Variants in DLC1 observed in about 807,000 individuals in gnomAD.
DLC1 encodes DLC1 Rho GTPase activating protein, also known as rho GTPase-activating protein 7.
DLC1 carries 54 observed loss-of-function variants against 140.3 expected under a neutral mutation model. The ratio of observed to expected loss-of-function variants is 0.38; its 90% CI spans 0.31 to 0.48. DLC1 has a LOEUF of 0.48. Among genes scored for constraint, DLC1 ranks in the 20% least tolerant of loss-of-function variants. DLC1 has a pLI of 0.96. For missense variants in DLC1, 2,536 were observed against 1,907.0 expected (o/e 1.33, Z -6.14); for synonymous variants, 986 against 728.1 (o/e 1.35, Z -5.70).
At chr8:13,149,157 A>G (rs918514379) in intron 5 of DLC1, among the ~76,000 whole-genome samples, 17 of 152,118 alleles carry the variant, frequency 1.1e-4, no homozygotes, top group African/African-American at 4.1e-4. Flanking sequence ...AGAAGGCACA[A>G]TCTCAATTCT....
intron 3 of DLC1, among the ~76,000 whole-genome samples, chr8:13,395,068 C>T (rs1013719855): frequency 2.0e-5 from 3 of 146,482 alleles, no homozygotes; most frequent in African/African-American, 7.4e-5. Context: ...ACCTATCTAC[C>T]ATCTATAAAT....
chr8:13,264,338 G>T (rs576300272), intron 5 of DLC1, among the ~76,000 whole-genome samples: 1 of 152,244 alleles, frequency 6.6e-6, no homozygotes, highest in South Asian at 2.1e-4. Flanking sequence ...CTCCCACAGT[G>T]CTGGGATTAC....
At chr8:13,299,979 A>C (rs962230548) in intron 5 of DLC1, among the ~76,000 whole-genome samples, 4 of 152,184 alleles carry the variant, frequency 2.6e-5, no homozygotes, top group Admixed American at 6.5e-5. Flanking sequence ...AGATACATGC[A>C]CACATATGTT....
rs60625191 is a variant in DLC1, at chr8:13,479,802, A to AAAGAAGAAGAAGAAGAAG, written c.1023+19229_1023+19246dup. On this transcript the variant is annotated intron_variant, in intron 2 of 17. Coordinates refer to ENST00000276297, the MANE Select transcript of DLC1 (RefSeq NM_182643.3). ...AAAAGAAAAGGAAAAGAAAGAAAGA[A>AAAGAAGAAGAAGAAGAAG]AAGAAGAAGAAGAAGAAGAAGAAGA... Among the ~76,000 whole-genome samples the AAAGAAGAAGAAGAAGAAG allele has an allele frequency of 7.1e-3, 404 of 56,952 alleles. 6 individuals carry two copies. The highest frequency in any genetic ancestry group is 0.021 in the East Asian group (75 of 3,518). 37.4% of individuals were successfully genotyped at this position (56,952 alleles called of 152,430 possible). A position where few individuals can be genotyped will look rare whatever the true frequency, so the allele number is the denominator to read the frequency against.
chr8:13,301,879 G>A (rs929703057), intron 5 of DLC1, among the ~76,000 whole-genome samples: 1 of 152,154 alleles, frequency 6.6e-6, no homozygotes, highest in African/African-American at 2.4e-5. Flanking sequence ...TCTGAGGTCT[G>A]AGGTGGAACA....
chr8:13,435,263 TG>T (rs911595961), intron 2 of DLC1, among the ~76,000 whole-genome samples: 2 of 152,174 alleles, frequency 1.3e-5, no homozygotes, highest in African/African-American at 4.8e-5. Context: ...CTTAAAGATG[TG>T]GCTGAATGGC....
chr8:13,209,859 C>T (rs575028057), intron 5 of DLC1, among the ~76,000 whole-genome samples: 1 of 152,098 alleles, frequency 6.6e-6, no homozygotes, highest in East Asian at 1.9e-4. Context: ...GTACAGCCTG[C>T]AGAACCAGGA....
intron 4 of DLC1, among the ~76,000 whole-genome samples, chr8:13,309,953 T>G (rs1391219891): frequency 2.0e-5 from 3 of 152,220 alleles, no homozygotes; most frequent in Non-Finnish European, 2.9e-5. Flanking sequence ...AGAAATGAAA[T>G]GAAATATTTC....
At chr8:13,258,464 A>G (rs1586020227) in intron 5 of DLC1, among the ~76,000 whole-genome samples, 1 of 152,372 alleles carries the variant, frequency 6.6e-6, no homozygotes, top group East Asian at 1.9e-4. Flanking sequence ...TACTTATAAT[A>G]TCTGCTTCCT....
chr8:13,251,175 T>C (rs1338943025), intron 5 of DLC1, among the ~76,000 whole-genome samples: 1 of 152,184 alleles, frequency 6.6e-6, no homozygotes, highest in Non-Finnish European at 1.5e-5. Flanking sequence ...ACACTATTCT[T>C]ATTGGCTTAG....
chr8:13,276,699 G>C, intron 5 of DLC1: 5 of 803,856 alleles, frequency 6.2e-6, no homozygotes, highest in Non-Finnish European at 7.8e-6. Flanking sequence ...ACTCACCTGG[G>C]TCCGCGCCGG....
At chr8:13,153,035 C>T (rs1037822920) in intron 5 of DLC1, among the ~76,000 whole-genome samples, 5 of 152,158 alleles carry the variant, frequency 3.3e-5, no homozygotes, top group African/African-American at 9.7e-5. Context: ...TGGAAATACC[C>T]TATGCTCTTC....
At chr8:13,485,583 A>G (rs1563388469) in intron 2 of DLC1, among the ~76,000 whole-genome samples, 1 of 152,350 alleles carries the variant, frequency 6.6e-6, no homozygotes, top group East Asian at 1.9e-4. Context: ...TCAATGTAGT[A>G]ACGTATCTGT....
chr8:13,448,952 C>T (rs534877174), intron 2 of DLC1, among the ~76,000 whole-genome samples: 8 of 152,182 alleles, frequency 5.3e-5, no homozygotes, highest in East Asian at 1.9e-4. Context: ...TGTTCTTTCC[C>T]GCTATGGGTT....
intron 5 of DLC1, among the ~76,000 whole-genome samples, chr8:13,276,105 G>A (rs898144812): frequency 9.2e-5 from 14 of 152,178 alleles, no homozygotes; most frequent in African/African-American, 3.4e-4. Flanking sequence ...TTAAATACTA[G>A]AGAAAGGGAG....
chr8:13,320,358 CTT>C (rs35601008), intron 4 of DLC1, among the ~76,000 whole-genome samples: 3,287 of 152,318 alleles, frequency 0.022, 54 homozygotes, highest in Middle Eastern at 0.041. Flanking sequence ...TTCAGCTCCT[CTT>C]TGCATAACTC....
chr8:13,303,682 A>G (rs1832301302), intron 5 of DLC1, among the ~76,000 whole-genome samples: 2 of 152,044 alleles, frequency 1.3e-5, no homozygotes, highest in Admixed American at 1.3e-4. Context: ...CAGGCATGTA[A>G]TCCCAGCTAC....
At chr8:13,501,145 C>G (rs558442189) in intron 1 of DLC1, among the ~76,000 whole-genome samples, 1 of 152,168 alleles carries the variant, frequency 6.6e-6, no homozygotes, top group East Asian at 1.9e-4. Context: ...TGGGACTATT[C>G]TTCAGAAACT....
rs34253720 is a variant in DLC1, at chr8:13,466,685, C to T, written c.1023+32364G>A. Among the ~76,000 whole-genome samples the T allele has an allele frequency of 2.7e-3, 411 of 152,056 alleles. 2 individuals carry two copies. Among genetic ancestry groups the T allele is most frequent in the African/African-American group, 8.8e-3 (366 of 41,458 alleles). ...ATTGCCACTGTACTAAGAGAAACTA[C>T]GACACAAAATTAGAGGTAAAAAATA... On this transcript the variant is annotated intron_variant, in intron 2 of 17. Transcript: ENST00000276297.
Sources: gnomAD v4.1 joint callset for allele counts (sites outside exome capture counted in the v4.1 genomes callset) on GRCh38, gnomAD v4.1.1 for gene constraint, MANE v1.5 for transcripts, NCBI Gene and HGNC (gene_info 2026-07-23, HGNC 2026-07-21) for gene names.